The following RBFOX1 variants were observed in gnomAD, a reference collection of about 807,000 sequenced individuals.
The protein encoded by RBFOX1 is RNA binding fox-1 homolog 1.
In RBFOX1, 8 loss-of-function variants were observed where a neutral mutation model predicts 57.7. That is an observed-to-expected ratio of 0.14 (90% CI 0.08 to 0.25). RBFOX1 has a LOEUF of 0.25. Among genes scored for constraint, RBFOX1 ranks in the 10% least tolerant of loss-of-function variants. The pLI is 1.00. For synonymous variants in RBFOX1, 326 were observed against 222.4 expected, an observed-to-expected ratio of 1.47 and a Z score of -4.15; for missense variants, 611 against 548.5, an observed-to-expected ratio of 1.11 and a Z score of -1.14.
chr16:6,672,120 C>G (rs906202399), intron 3 of RBFOX1, among the ~76,000 whole-genome samples: 2 of 152,172 alleles, frequency 1.3e-5, no homozygotes, highest in Non-Finnish European at 2.9e-5. Flanking sequence ...CCTAATTATA[C>G]TGGTATTGGA....
At chr16:5,375,085 C>CA (rs576765968) in intron 1 of RBFOX1, among the ~76,000 whole-genome samples, 3,267 of 37,028 alleles carry the variant, frequency 0.088, 508 homozygotes, top group African/African-American at 0.14. Flanking sequence ...TTTAAATGGC[C>CA]AAAAAAAAAA....
intron 4 of RBFOX1, among the ~76,000 whole-genome samples, chr16:7,169,881 G>A (rs1445958672): frequency 6.6e-6 from 1 of 151,986 alleles, no homozygotes; most frequent in Non-Finnish European, 1.5e-5. Flanking sequence ...GACCTGCCCT[G>A]GCAACGTGGC....
chr16:7,595,929 A>G (rs2152950574), intron 8 of RBFOX1, among the ~76,000 whole-genome samples: 1 of 151,588 alleles, frequency 6.6e-6, no homozygotes, highest in South Asian at 2.1e-4. Flanking sequence ...ATGTTTTATA[A>G]TCAATGGGTG....
intron 4 of RBFOX1, among the ~76,000 whole-genome samples, chr16:7,138,432 G>C (rs530527663): frequency 6.6e-6 from 1 of 152,100 alleles, no homozygotes; most frequent in Non-Finnish European, 1.5e-5. Flanking sequence ...TATTGGCAAC[G>C]TGGAGGCAAG....
chr16:5,889,628 C>G (rs1485126275), intron 4 of RBFOX1, among the ~76,000 whole-genome samples: 3 of 152,200 alleles, frequency 2.0e-5, no homozygotes, highest in Non-Finnish European at 2.9e-5. Flanking sequence ...GGATGCAGGA[C>G]AAGCAGACTC....
chr16:5,835,696 T>A (rs1192819392), intron 3 of RBFOX1, among the ~76,000 whole-genome samples: 1 of 152,268 alleles, frequency 6.6e-6, no homozygotes, highest in Non-Finnish European at 1.5e-5. Context: ...CAGTCTCATC[T>A]GCCACCCCCA....
At chr16:6,657,063 C>T (rs1185293632) in intron 3 of RBFOX1, among the ~76,000 whole-genome samples, 2 of 117,004 alleles carry the variant, frequency 1.7e-5, no homozygotes, top group Non-Finnish European at 3.5e-5. Context: ...CTCCCCTTTC[C>T]TCTCCTCTCC....
chr16:7,313,825 C>G (rs1294428495), intron 4 of RBFOX1, among the ~76,000 whole-genome samples: 1 of 152,118 alleles, frequency 6.6e-6, no homozygotes. Flanking sequence ...AGAACCGACA[C>G]TTAGAACCAC....
chr16:5,277,206 A>G (rs867705504), intron 1 of RBFOX1, among the ~76,000 whole-genome samples: 1 of 152,200 alleles, frequency 6.6e-6, no homozygotes, highest in Non-Finnish European at 1.5e-5. Context: ...TAACTCAGGA[A>G]TGGAAAAACA....
At chr16:5,840,001 A>T (rs2056577506) in intron 3 of RBFOX1, among the ~76,000 whole-genome samples, 1 of 152,180 alleles carries the variant, frequency 6.6e-6, no homozygotes, top group Admixed American at 6.5e-5. Context: ...ACAAGCATCT[A>T]CTGTGTGCCA....
intron 4 of RBFOX1, among the ~76,000 whole-genome samples, chr16:7,115,682 C>T (rs1011305288): frequency 1.8e-4 from 27 of 152,170 alleles, no homozygotes; most frequent in African/African-American, 6.5e-4. Context: ...AGAGGGGACA[C>T]CCAAGACAGA....
chr16:6,539,166 T>C (rs887212474), intron 2 of RBFOX1, among the ~76,000 whole-genome samples: 1 of 152,144 alleles, frequency 6.6e-6, no homozygotes, highest in Non-Finnish European at 1.5e-5. Flanking sequence ...ACTGTTCTTC[T>C]CCTTGGCGGG....
chr16:6,535,128 A>T (rs2096717400), intron 2 of RBFOX1, among the ~76,000 whole-genome samples: 1 of 152,212 alleles, frequency 6.6e-6, no homozygotes, highest in South Asian at 2.1e-4. Context: ...GAACAACTGC[A>T]GTTAGAGTGG....
chr16:5,667,902 A>C (rs749971781), intron 3 of RBFOX1, among the ~76,000 whole-genome samples: 3 of 152,184 alleles, frequency 2.0e-5, no homozygotes, highest in Non-Finnish European at 4.4e-5. Flanking sequence ...TGTGGCAAGG[A>C]TGTCTCTGCA....
intron 1 of RBFOX1, among the ~76,000 whole-genome samples, chr16:6,315,908 C>CTGTAT: frequency 6.6e-6 from 1 of 152,120 alleles, no homozygotes; most frequent in African/African-American, 2.4e-5. Flanking sequence ...ACACATATGT[C>CTGTAT]ATCTTCATTT....
chr16:5,940,814 G>A (rs2059263592), intron 4 of RBFOX1, among the ~76,000 whole-genome samples: 1 of 152,166 alleles, frequency 6.6e-6, no homozygotes, highest in Non-Finnish European at 1.5e-5. Context: ...GCTGGCAGCT[G>A]TGCTGTGAGC....
intron 3 of RBFOX1, among the ~76,000 whole-genome samples, chr16:6,879,732 C>G (rs183821116): frequency 6.2e-4 from 95 of 152,292 alleles, no homozygotes; most frequent in African/African-American, 2.2e-3. Context: ...AATTCTACCT[C>G]TGGATCCTAC....
At chr16:7,396,482 C>G (rs115010011) in intron 4 of RBFOX1, among the ~76,000 whole-genome samples, 1 of 152,200 alleles carries the variant, frequency 6.6e-6, no homozygotes, top group Non-Finnish European at 1.5e-5. Context: ...CTTCCCTACA[C>G]GTCCTGATTC....
chr16:6,510,941 G>A (rs2096244000), intron 2 of RBFOX1, among the ~76,000 whole-genome samples: 1 of 152,134 alleles, frequency 6.6e-6, no homozygotes. Flanking sequence ...GACAAGGAGT[G>A]GATTTGAAAT....
Sources: allele counts gnomAD v4.1 joint callset (sites outside exome capture counted in the v4.1 genomes callset), GRCh38; gene constraint gnomAD v4.1.1; transcripts MANE v1.5; gene names NCBI Gene and HGNC (gene_info 2026-07-23, HGNC 2026-07-21).